MYH11: variants seen among roughly 807,000 people sequenced by gnomAD.
MYH11 encodes the protein myosin heavy chain 11.
A neutral mutation model predicts 246.6 loss-of-function variants in MYH11; 80 were observed. The ratio of observed to expected loss-of-function variants is 0.32; its 90% CI spans 0.27 to 0.39. The LOEUF is 0.39. Ranked by LOEUF, MYH11 falls within the 10% of genes least tolerant of loss-of-function variation. The probability of loss-of-function intolerance (pLI) is 1.00; values close to 1 mark genes in which losing one functional copy is unlikely to be tolerated. For missense variants in MYH11, 2,158 were observed against 2,546.8 expected (o/e 0.85, Z 3.29); for synonymous variants, 1,071 against 1,015.5 (o/e 1.05, Z -1.04).
chr16:15,728,169 C>A (rs1050897300), intron 27 of MYH11, among the ~76,000 whole-genome samples: 2 of 152,100 alleles, frequency 1.3e-5, no homozygotes, highest in Non-Finnish European at 2.9e-5. Flanking sequence ...GTGGAGGTTG[C>A]AGTGAACCAA....
intron 9 of MYH11, among the ~76,000 whole-genome samples, chr16:15,768,230 A>C (rs138458807): frequency 2.0e-5 from 3 of 152,340 alleles, no homozygotes; most frequent in Non-Finnish European, 4.4e-5. Flanking sequence ...TTCCAACATC[A>C]GACATGTGTA....
chr16:15,775,572 C>G (rs2042204335), intron 8 of MYH11, among the ~76,000 whole-genome samples: 1 of 152,208 alleles, frequency 6.6e-6, no homozygotes, highest in Non-Finnish European at 1.5e-5. Flanking sequence ...GCCTGCAAAG[C>G]CTGAAGATTT....
At chr16:15,763,738 A>AGCTGGGGCCCCCCCCCCC in intron 10 of MYH11, 58 bp downstream of exon 10, 1 of 717,694 alleles carries the variant, frequency 1.4e-6, no homozygotes. Context: ...GTTAAATGTC[A>AGCTGGGGCCCCCCCCCCC]CCTCCCCCAC....
intron 5 of MYH11, chr16:15,784,961 G>A (rs1178983726): frequency 2.5e-6 from 1 of 405,444 alleles, no homozygotes; most frequent in East Asian, 4.5e-5. Flanking sequence ...AGCCTCCCAA[G>A]TAGCTAAGAC....
At chr16:15,755,457 A>G (rs548036809) in intron 14 of MYH11, among the ~76,000 whole-genome samples, 1 of 152,314 alleles carries the variant, frequency 6.6e-6, no homozygotes, top group African/African-American at 2.4e-5. Flanking sequence ...CCTGTTGGGT[A>G]TAACTTGTAG....
rs968722649 is a variant in MYH11 at position 15,732,509 on chromosome 16, C to G, written c.3651+55G>C. 37 of 1,612,864 alleles carry G rather than the reference C, an allele frequency of 2.3e-5. No individual in the cohort carries two copies. The African/African-American group carries it at 4.5e-4, about 20-fold the overall frequency. On this transcript the variant is annotated intron_variant, in intron 27 of 40. Coordinates refer to ENST00000300036, the MANE Select transcript of MYH11 (RefSeq NM_002474.3). The stretch of plus-strand genomic sequence containing the variant: ...GACCCTGACCTGTAGTAATTTGAGG[C>G]TGCTGATGTCACTCTTATGTGTCAT...
chr16:15,766,097 T>G (rs2041974428), intron 9 of MYH11, among the ~76,000 whole-genome samples: 1 of 152,042 alleles, frequency 6.6e-6, no homozygotes, highest in Admixed American at 6.6e-5. Context: ...CAACCACAAA[T>G]GTCACCAGAT....
chr16:15,753,074 G>A (rs1386628682), intron 15 of MYH11, among the ~76,000 whole-genome samples: 1 of 152,188 alleles, frequency 6.6e-6, no homozygotes, highest in Non-Finnish European at 1.5e-5. Context: ...AGGTGGCAGA[G>A]ACAAGATACA....
In MYH11 at chr16:15,703,297, A is replaced by G. The variant is rs2039284426; in HGVS notation, c.*694T>C. 1 of 226,760 alleles carries G rather than the reference A, an allele frequency of 4.4e-6. No homozygotes were observed. Among genetic ancestry groups the G allele is most frequent in the Admixed American group, 5.3e-5 (1 of 18,708 alleles). The allele number at this position is 226,760 out of a possible 1,614,324, so 14.0% of individuals were successfully genotyped here. ...TGTGCGTGTCTGAGGTGTGGAAACC[A>G]GGAGAGGGGGAAAGAATTCTCAAAG... On this transcript the variant is annotated 3_prime_UTR_variant, in exon 41 of 41. Transcript: ENST00000300036.
intron 37 of MYH11, chr16:15,717,612 T>C (rs2040231798): frequency 5.2e-6 from 3 of 575,458 alleles, no homozygotes; most frequent in Non-Finnish European, 9.3e-6. Flanking sequence ...CTGGCCAACA[T>C]GGTGAAACCC....
At chr16:15,713,227 T>G (rs1386379602) in intron 40 of MYH11, 1 of 151,572 alleles carries the variant, frequency 6.6e-6, no homozygotes, top group African/African-American at 2.4e-5. Flanking sequence ...CCTCGGTTGG[T>G]GCCAGAGGGT....
Position 15,752,117 on chromosome 16 carries a change from TGA to T in MYH11, c.1864+1275_1864+1276del, listed in dbSNP as rs538702048. On this transcript the variant is annotated intron_variant, in intron 15 of 40. Transcript: ENST00000300036. ...TCATGCTTGTCTCTCTGCTTGTCTT[TGA>T]GAGTCTCATCTCTCCCACAAGACTG... is the stretch of plus-strand genomic sequence containing the variant. Among the ~76,000 whole-genome samples, 156 of 151,988 alleles carry T rather than the reference TGA, an allele frequency of 1.0e-3. 1 individual carries two copies. Among genetic ancestry groups the T allele is most frequent in the African/African-American group, 3.7e-3 (152 of 41,510 alleles).
chr16:15,726,682 ATAT>A, intron 28 of MYH11, 163 bp downstream of exon 28: 1 of 828,428 alleles, frequency 1.2e-6, no homozygotes, highest in Non-Finnish European at 2.0e-6. Flanking sequence ...GGTTTTTTTA[ATAT>A]TTAATTGAAC....
intron 4 of MYH11, 33 bp downstream of exon 4, chr16:15,798,627 A>C: frequency 1.9e-6 from 3 of 1,572,524 alleles, no homozygotes; most frequent in Non-Finnish European, 2.6e-6. Context: ...AAAAAAACAA[A>C]AAAAAAACAG....
intron 5 of MYH11, chr16:15,786,065 G>C: frequency 3.8e-6 from 1 of 261,804 alleles, no homozygotes; most frequent in South Asian, 4.8e-5. Flanking sequence ...CCCAGGGACA[G>C]GGGGACACGT....
In MYH11 at chr16:15,747,069, CAG is replaced by C. The variant is rs142951060; in HGVS notation, c.2411+499_2411+500del. Among the ~76,000 whole-genome samples the C allele has an allele frequency of 6.6e-3, 961 of 146,716 alleles. 1 individual carries two copies. The highest frequency in any genetic ancestry group is 0.018 in the African/African-American group (721 of 40,172). On this transcript the variant is annotated intron_variant, in intron 19 of 40. Transcript: ENST00000300036. ...CGCCACTGCACTCCAGCCTGGGCGACAGAGAGAGAGAGAGAGACTCTGTCTCA... is the reference window on the plus strand; with the variant it reads ...CGCCACTGCACTCCAGCCTGGGCGACAGAGAGAGAGAGAGACTCTGTCTCA...
rs2041462014 is a variant in MYH11, at chr16:15,747,876, T to C, written c.2248A>G (p.Met750Val). 6.2e-7 allele frequency: 1 copy of C among 1,613,442 alleles called. No individual in the cohort carries two copies. The highest frequency in any genetic ancestry group is 1.1e-5 in the South Asian group (1 of 91,040). ...FMDGKQACIL[M>V]IKALELDPNL... ...CTCTGGTGGACTTCTGGGCTCACCA[T>C]GAGAATGCAGGCCTGCTTCCCGTCC... The change falls in exon 18 of 41, where the codon ATG becomes GTG. Residue 750 changes from methionine (M) to valine (V), a missense_variant and splice_region_variant. By Grantham distance (21) the Met-to-Val change is conservative. Around this residue, in one of 11 missense-constraint regions of MYH11, gnomAD observed 56 missense variants for 47.2 expected, o/e 1.19. Coordinates refer to ENST00000300036, the MANE Select transcript of MYH11 (RefSeq NM_002474.3).
At chr16:15,763,741 T>TGGGGGCCCC in intron 10 of MYH11, 55 bp downstream of exon 10, 9 of 646,812 alleles carry the variant, frequency 1.4e-5, no homozygotes, top group African/African-American at 2.1e-5. Context: ...AAATGTCACC[T>TGGGGGCCCC]CCCCCACCCC....
In MYH11 at chr16:15,782,469, C is replaced by T; in HGVS notation, c.642G>A (p.Leu214=). 6.2e-7 allele frequency: 1 copy of T among 1,613,894 alleles called. No homozygotes were observed. Among genetic ancestry groups the T allele is most frequent in the Admixed American group, 1.7e-5 (1 of 60,026 alleles). Reference sequence around the variant, plus strand: ...GGTTTGCTTGTAGAAGCTGCTTTTCCAGCTCTCCCTAAAATTCATTCACAT... The same window carrying T: ...GGTTTGCTTGTAGAAGCTGCTTTTCTAGCTCTCCCTAAAATTCATTCACAT... ...GKKDTSITGE[L]EKQLLQANPI... The change falls in exon 6 of 41, where the codon CTG becomes CTA. Residue 214 remains leucine (L), a synonymous_variant. Coordinates refer to ENST00000300036, the MANE Select transcript of MYH11 (RefSeq NM_002474.3).
Sources: gnomAD v4.1 joint callset for allele counts (sites outside exome capture counted in the v4.1 genomes callset) on GRCh38, gnomAD v4.1.1 for gene constraint, gnomAD v4.1.1 regional missense constraint, MANE v1.5 for transcripts, NCBI Gene and HGNC (gene_info 2026-07-23, HGNC 2026-07-21) for gene names.